Variants in KNL1 observed in about 807,000 individuals in gnomAD.
KNL1 encodes kinetochore scaffold 1.
KNL1 carries 66 observed loss-of-function variants against 201.3 expected under a neutral mutation model. That is an observed-to-expected ratio of 0.33 (90% CI 0.27 to 0.40). KNL1 has a LOEUF of 0.40. KNL1 is among the 10% of genes least tolerant of loss of function. The probability of loss-of-function intolerance (pLI) is 1.00; values close to 1 mark genes in which losing one functional copy is unlikely to be tolerated. For missense variants in KNL1, 2,815 were observed against 2,690.5 expected, an observed-to-expected ratio of 1.05 and a Z score of -1.02; for synonymous variants, 895 against 899.2, an observed-to-expected ratio of 1.00 and a Z score of 0.08.
chr15:40,603,754 T>A (rs1408114483), intron 2 of KNL1, among the ~76,000 whole-genome samples: 1 of 152,250 alleles, frequency 6.6e-6, no homozygotes, highest in African/African-American at 2.4e-5. Context: ...AGCACTGGTA[T>A]AGCTCCTTGC....
intron 24 of KNL1, among the ~76,000 whole-genome samples, chr15:40,658,115 A>T (rs992181503): frequency 6.6e-6 from 1 of 151,894 alleles, no homozygotes; most frequent in Non-Finnish European, 1.5e-5. Flanking sequence ...AAAATACAAA[A>T]ATTAGACAGG....
At position 40,622,999 on chromosome 15, in the gene KNL1, A is replaced by G. The variant is rs781774709; in HGVS notation, c.2735A>G (p.Asp912Gly). 1.2e-6 allele frequency: 2 copies of G among 1,613,968 alleles called. No individual in the cohort carries two copies. Among genetic ancestry groups the G allele is most frequent in the Non-Finnish European group, 1.7e-6 (2 of 1,179,850 alleles). The change falls in exon 10 of 26, where the codon GAT becomes GGT. Residue 912 changes from aspartate (D) to glycine (G), a missense_variant. Transcript: ENST00000399668. ...SETILYTCRQ[D>G]DMEITRSHTT... ...ACTATTTTATATACATGTAGGCAGG[A>G]TGACATGGAGATCACTAGAAGTCAC...
intron 19 of KNL1, among the ~76,000 whole-genome samples, 174 bp downstream of exon 19, chr15:40,650,757 G>A (rs1489013483): frequency 1.3e-5 from 2 of 152,082 alleles, no homozygotes; most frequent in African/African-American, 4.8e-5. Context: ...CAGTAGTTTT[G>A]AAGCACTTAT....
intron 4 of KNL1, among the ~76,000 whole-genome samples, chr15:40,608,029 A>G (rs1595916488): frequency 6.6e-6 from 1 of 152,336 alleles, no homozygotes. Context: ...CACATTAGCT[A>G]GAAGGTGGAA....
In KNL1 at chr15:40,621,348, A is replaced by G; in HGVS notation, c.1084A>G (p.Thr362Ala). ...GYGTKASGNK[T>A]VFKSKQNTAF... ...TGGAACTAAAGCTTCAGGAAATAAA[A>G]CAGTTTTTAAGAGTAAACAAAATAC... The change falls in exon 10 of 26, where the codon ACA (threonine) becomes GCA (alanine). Residue 362 changes from threonine to alanine, a missense_variant. Physicochemically the swap from Thr to Ala is moderately conservative, Grantham distance 58. This residue lies in a region of KNL1 where 2,464 missense variants were observed against 2,291.7 expected (regional missense o/e 1.08). Transcript: ENST00000399668. The G allele has an allele frequency of 6.2e-7, 1 of 1,612,520 alleles. No homozygotes were observed. The highest frequency in any genetic ancestry group is 1.1e-5 in the South Asian group (1 of 90,984).
chr15:40,605,289 A>T, intron 3 of KNL1, 140 bp downstream of exon 3: 1 of 566,366 alleles, frequency 1.8e-6, no homozygotes, highest in Non-Finnish European at 3.2e-6. Context: ...CAAATATTTA[A>T]CGTGGTTATA....
At chr15:40,661,909 C>T (rs1893920401) in intron 25 of KNL1, among the ~76,000 whole-genome samples, 165 bp from the exon 26 acceptor site, 2 of 152,012 alleles carry the variant, frequency 1.3e-5, no homozygotes, top group South Asian at 4.1e-4. Flanking sequence ...GGCGTGGTGG[C>T]AGGCGCCTGT....
rs8041095 is a variant in KNL1, at chr15:40,647,250, G to A, written c.6094+176G>A. The stretch of plus-strand genomic sequence containing the variant: ...AGCACTTTGGGAGGCCAAGCCGGGC[G>A]GATCACCTGAGGTCAGGAGTTTGAG... On this transcript the variant is annotated intron_variant, in intron 17 of 25. Transcript: ENST00000399668. Among the ~76,000 whole-genome samples, 119,263 of 151,974 alleles carry A rather than the reference G, an allele frequency of 0.78. 47,789 individuals carry two copies. The highest frequency in any genetic ancestry group is 0.85 in the Non-Finnish European group (57,839 of 67,990).
At chr15:40,608,822 T>C (rs1008508953) in intron 4 of KNL1, 25 bp from the exon 5 acceptor site, 4 of 1,528,668 alleles carry the variant, frequency 2.6e-6, no homozygotes, top group Non-Finnish European at 3.6e-6. Flanking sequence ...TATTAAGAAT[T>C]ATACCATATA....
At chr15:40,651,308 AAAAACT>A (rs1567021118) in intron 19 of KNL1, among the ~76,000 whole-genome samples, 157 bp from the exon 20 acceptor site, 12 of 151,916 alleles carry the variant, frequency 7.9e-5, no homozygotes, top group African/African-American at 1.4e-4. Context: ...AAAAAAAAAA[AAAAACT>A]AAACTAAGAA....
At chr15:40,648,785 A>G (rs528258033) in intron 17 of KNL1, among the ~76,000 whole-genome samples, 10 of 152,134 alleles carry the variant, frequency 6.6e-5, no homozygotes, top group African/African-American at 2.4e-4. Flanking sequence ...CTCCTCTGAA[A>G]AACTTCTGTC....
chr15:40,610,740 T>G (rs1358247800), intron 6 of KNL1: 1 of 455,566 alleles, frequency 2.2e-6, no homozygotes, highest in East Asian at 6.9e-5. Flanking sequence ...GTAGAGTGGA[T>G]AGTAAGTAAA....
chr15:40,627,057 G>A (rs1249688374), intron 10 of KNL1, among the ~76,000 whole-genome samples: 1 of 151,756 alleles, frequency 6.6e-6, no homozygotes, highest in Non-Finnish European at 1.5e-5. Context: ...ACCACACCCG[G>A]CTAATCTTTG....
In KNL1 at chr15:40,623,050, T is replaced by A; in HGVS notation, c.2786T>A (p.Val929Asp). The A allele has an allele frequency of 1.9e-6, 3 of 1,613,922 alleles. No individual in the cohort carries two copies. Among genetic ancestry groups the A allele is most frequent in the Non-Finnish European group, 2.5e-6 (3 of 1,179,880 alleles). ...ACAACTGCCTTAGAATGTAAAACTG[T>A]CTCACCAGATGAAATAACTACTAGG... ...SHTTALECKTVSPDEITTRPM... is the reference protein window; with the variant it reads ...SHTTALECKTDSPDEITTRPM... The change falls in exon 10 of 26, where the codon GTC becomes GAC. Residue 929 changes from valine (V) to aspartate (D), a missense_variant. Physicochemically the swap from Val to Asp is radical, Grantham distance 152 (BLOSUM62 -3). Coordinates refer to ENST00000399668, the MANE Select transcript of KNL1 (RefSeq NM_144508.5).
Position 40,623,839 on chromosome 15 carries a change from G to A in KNL1, c.3575G>A (p.Gly1192Glu), listed in dbSNP as rs548677801. Residue 1192 changes from glycine (G) to glutamate (E), a missense_variant, in exon 10 of 26, where the codon GGA becomes GAA. Around this residue, in one of 3 missense-constraint regions of KNL1, gnomAD observed 2,464 missense variants for 2,291.7 expected, o/e 1.08. Coordinates refer to ENST00000399668, the MANE Select transcript of KNL1 (RefSeq NM_144508.5). Reference sequence around the variant, plus strand: ...GAAGAAAACCCTAAATTTGGAATAGGAAAAGGAAAAAACTTGGGTGTTTCC... The same window carrying A: ...GAAGAAAACCCTAAATTTGGAATAGAAAAAGGAAAAAACTTGGGTGTTTCC... ...ILEENPKFGIGKGKNLGVSFP... is the reference protein window; with the variant it reads ...ILEENPKFGIEKGKNLGVSFP... The A allele has an allele frequency of 1.6e-5, 26 of 1,613,142 alleles. No individual in the cohort carries two copies. The South Asian group carries it at 2.6e-4, about 16-fold the overall frequency.
chr15:40,604,073 G>A (rs1005579145), intron 2 of KNL1, among the ~76,000 whole-genome samples: 2 of 151,992 alleles, frequency 1.3e-5, no homozygotes, highest in Non-Finnish European at 2.9e-5. Context: ...AGCCCCACCT[G>A]TGGAGTCAAG....
intron 4 of KNL1, 77 bp from the exon 5 acceptor site, chr15:40,608,770 T>G: frequency 1.1e-6 from 1 of 941,118 alleles, no homozygotes; most frequent in Non-Finnish European, 1.6e-6. Context: ...AAGGACTTGA[T>G]CTCTGTCTAT....
intron 1 of KNL1, among the ~76,000 whole-genome samples, chr15:40,599,279 C>T (rs1345198431): frequency 1.4e-5 from 2 of 147,312 alleles, no homozygotes; most frequent in African/African-American, 5.0e-5. Context: ...CGTCACTGCA[C>T]TCCAGCCTGG....
At position 40,662,164 on chromosome 15, in the gene KNL1, T is replaced by G; in HGVS notation, c.6927T>G (p.Phe2309Leu). The change falls in exon 26 of 26, where the codon TTT (phenylalanine) becomes TTG (leucine). Residue 2309 changes from phenylalanine to leucine, a missense_variant. Coordinates refer to ENST00000399668, the MANE Select transcript of KNL1 (RefSeq NM_144508.5). ...TCAAGCAAATTTACCAAGATCTGTT[T>G]CAGGACTGCCATTTCTACCACTAGA... ...NVVKQIYQDLFQDCHFYH is the reference protein window; with the variant it reads ...NVVKQIYQDLLQDCHFYH 1 of 1,607,506 alleles carries G rather than the reference T, an allele frequency of 6.2e-7. No homozygotes were observed. Among genetic ancestry groups the G allele is most frequent in the Non-Finnish European group, 8.5e-7 (1 of 1,174,062 alleles).
Sources: allele counts gnomAD v4.1 joint callset (sites outside exome capture counted in the v4.1 genomes callset), GRCh38; gene constraint gnomAD v4.1.1; regional missense constraint gnomAD v4.1.1; transcripts MANE v1.5; gene names NCBI Gene and HGNC (gene_info 2026-07-23, HGNC 2026-07-21).